The following SLC44A5 variants were observed in gnomAD, a reference collection of about 807,000 sequenced individuals.
SLC44A5 encodes the protein choline transporter-like protein 5.
Under a neutral mutation model 101.8 loss-of-function variants are expected in SLC44A5, and 57 were observed. That is an observed-to-expected ratio of 0.56 (90% confidence interval 0.45 to 0.70). The LOEUF (loss-of-function observed/expected upper bound fraction) is 0.70. Among genes scored for constraint, SLC44A5 ranks in the 30% least tolerant of loss-of-function variants. The pLI is 0.00. For missense variants in SLC44A5, 737 were observed against 853.1 expected, an observed-to-expected ratio of 0.86 and a Z score of 1.70; for synonymous variants, 281 against 290.9, an observed-to-expected ratio of 0.97 and a Z score of 0.35.
At chr1:75,587,538 TGA>T (rs1235542593) in intron 1 of SLC44A5, among the ~76,000 whole-genome samples, 2 of 152,236 alleles carry the variant, frequency 1.3e-5, no homozygotes, top group Non-Finnish European at 2.9e-5. Context: ...CCTCCATTTC[TGA>T]GCCTAGACAA....
chr1:75,480,483 T>A (rs1006359314), intron 2 of SLC44A5, among the ~76,000 whole-genome samples: 1 of 152,222 alleles, frequency 6.6e-6, no homozygotes, highest in Non-Finnish European at 1.5e-5. Flanking sequence ...GCAGATGACA[T>A]GATTGCATAT....
At chr1:75,676,119 A>G in the SLC44A5 span, among the ~76,000 whole-genome samples, 1 of 152,230 alleles carries the variant, frequency 6.6e-6, no homozygotes, top group Non-Finnish European at 1.5e-5. Flanking sequence ...TAGTTCAACT[A>G]TTCTGGAAGA....
chr1:75,504,793 AC>A (rs1427974201), intron 2 of SLC44A5, among the ~76,000 whole-genome samples: 1 of 152,102 alleles, frequency 6.6e-6, no homozygotes, highest in Non-Finnish European at 1.5e-5. Flanking sequence ...CTAGGGAAAT[AC>A]CGCTCTATCC....
upstream of SLC44A5, among the ~76,000 whole-genome samples, chr1:75,615,366 G>A (rs975570139): frequency 2.6e-5 from 4 of 151,238 alleles, no homozygotes; most frequent in Non-Finnish European, 5.9e-5. Flanking sequence ...GAGGGAGGGG[G>A]GATTGGAAGA....
intron 5 of SLC44A5, among the ~76,000 whole-genome samples, chr1:75,290,646 C>T (rs1259861451): frequency 6.6e-6 from 1 of 152,076 alleles, no homozygotes; most frequent in African/African-American, 2.4e-5. Context: ...TCCAATCTCA[C>T]AAAATTGGAA....
Position 75,461,713 on chromosome 1 carries a change from G to A in SLC44A5, c.14-65092C>T, listed in dbSNP as rs188931939. ...CTACTACCCTAAAGAGTGAGTCCAAGGCCAGGCAGCATTCACAATAAGCTG... is the reference window on the plus strand; with the variant it reads ...CTACTACCCTAAAGAGTGAGTCCAAAGCCAGGCAGCATTCACAATAAGCTG... On this transcript the variant is annotated intron_variant, in intron 2 of 23. Coordinates refer to ENST00000370859, the MANE Select transcript of SLC44A5 (RefSeq NM_001130058.2). Among the ~76,000 whole-genome samples the A allele has an allele frequency of 1.8e-3, 273 of 152,272 alleles. 2 individuals carry two copies. The highest frequency in any genetic ancestry group is 1.2e-3 in the Non-Finnish European group (84 of 68,018).
At chr1:75,274,205 GC>G (rs1457795440) in intron 6 of SLC44A5, among the ~76,000 whole-genome samples, 1 of 151,658 alleles carries the variant, frequency 6.6e-6, no homozygotes, top group Non-Finnish European at 1.5e-5. Flanking sequence ...TCTAGAGCCA[GC>G]TTTTATAGAA....
At chr1:75,532,769 G>C (rs796586412) in intron 2 of SLC44A5, among the ~76,000 whole-genome samples, 1 of 152,132 alleles carries the variant, frequency 6.6e-6, no homozygotes, top group East Asian at 1.9e-4. Flanking sequence ...GCTGGGTGTG[G>C]TGGCTCATGC....
At chr1:75,327,062 T>A (rs1656656590) in intron 4 of SLC44A5, among the ~76,000 whole-genome samples, 1 of 148,854 alleles carries the variant, frequency 6.7e-6, no homozygotes, top group Non-Finnish European at 1.5e-5. Flanking sequence ...TTCCTTCAGT[T>A]TTCACCATTG....
chr1:75,376,142 G>A lies in SLC44A5; in HGVS notation c.52+20441C>T, dbSNP rs561480068. ...CGCTTTTCCGACCGGCTTAAAAAAC[G>A]GCGCACGACGAGATTATATCCCACA... is the stretch of plus-strand genomic sequence containing the variant. On this transcript the variant is annotated intron_variant, in intron 3 of 23. Coordinates refer to ENST00000370859, the MANE Select transcript of SLC44A5 (RefSeq NM_001130058.2). Among the ~76,000 whole-genome samples, 229 of 152,330 alleles carry A rather than the reference G, an allele frequency of 1.5e-3. 1 individual carries two copies. Among genetic ancestry groups the A allele is most frequent in the African/African-American group, 5.2e-3 (217 of 41,578 alleles).
At chr1:75,233,515 A>G (rs955507124) in intron 12 of SLC44A5, among the ~76,000 whole-genome samples, 12 of 152,270 alleles carry the variant, frequency 7.9e-5, no homozygotes, top group African/African-American at 2.9e-4. Context: ...ACTTGCCTCT[A>G]GAGGGCAATG....
chr1:75,231,366 T>C (rs1447230187), intron 12 of SLC44A5, among the ~76,000 whole-genome samples: 1 of 152,218 alleles, frequency 6.6e-6, no homozygotes, highest in Non-Finnish European at 1.5e-5. Context: ...CAATGTATTA[T>C]ATAAAACAAT....
At chr1:75,250,114 T>C (rs2100641874) in intron 7 of SLC44A5, among the ~76,000 whole-genome samples, 1 of 152,260 alleles carries the variant, frequency 6.6e-6, no homozygotes, top group Middle Eastern at 3.4e-3. Flanking sequence ...TTAAGCTTAG[T>C]ATCCATTCGT....
chr1:75,525,937 T>G (rs1303043499), intron 2 of SLC44A5, among the ~76,000 whole-genome samples: 1 of 152,242 alleles, frequency 6.6e-6, no homozygotes, highest in Non-Finnish European at 1.5e-5. Context: ...TCTTTCAATC[T>G]TTCTGTATAT....
chr1:75,330,568 T>C (rs1362961876), intron 4 of SLC44A5, among the ~76,000 whole-genome samples: 2 of 152,296 alleles, frequency 1.3e-5, no homozygotes, highest in African/African-American at 4.8e-5. Context: ...GTCTCCATAA[T>C]TTCTTCTTTA....
chr1:75,578,630 G>A (rs966663225), intron 1 of SLC44A5, among the ~76,000 whole-genome samples: 10 of 152,260 alleles, frequency 6.6e-5, no homozygotes, highest in Non-Finnish European at 1.5e-4. Context: ...CAGGGGCTGT[G>A]GGGGCAGGTG....
the SLC44A5 span, among the ~76,000 whole-genome samples, chr1:75,634,354 A>C: frequency 6.6e-6 from 1 of 151,758 alleles, no homozygotes; most frequent in Non-Finnish European, 1.5e-5. Flanking sequence ...CTGGTCCTGG[A>C]CTCTTTTTGG....
intron 2 of SLC44A5, among the ~76,000 whole-genome samples, chr1:75,532,574 C>T (rs1670778472): frequency 6.6e-6 from 1 of 152,170 alleles, no homozygotes; most frequent in Non-Finnish European, 1.5e-5. Context: ...TATTTTTCTC[C>T]TTTGCAGTTA....
chr1:75,660,805 A>G, the SLC44A5 span, among the ~76,000 whole-genome samples: 1 of 152,200 alleles, frequency 6.6e-6, no homozygotes, highest in East Asian at 1.9e-4. Context: ...GATGAAAGAG[A>G]TTAAAGAAGA....
Sources: allele counts gnomAD v4.1 joint callset (sites outside exome capture counted in the v4.1 genomes callset), GRCh38; gene constraint gnomAD v4.1.1; transcripts MANE v1.5; gene names NCBI Gene and HGNC (gene_info 2026-07-23, HGNC 2026-07-21).